PPFIA4: variants seen among roughly 807,000 people sequenced by gnomAD.
PPFIA4 encodes the protein liprin-alpha-4.
Under a neutral mutation model 145.7 loss-of-function variants are expected in PPFIA4, and 98 were observed. That is an observed-to-expected ratio of 0.67 (90% CI 0.57 to 0.80). The LOEUF (loss-of-function observed/expected upper bound fraction) is 0.80. Ranked by LOEUF, PPFIA4 falls within the 30% of genes least tolerant of loss-of-function variation. The probability of loss-of-function intolerance (pLI) is 0.00; values close to 1 mark genes in which losing one functional copy is unlikely to be tolerated. For synonymous variants in PPFIA4, 628 were observed against 649.6 expected (o/e 0.97, Z 0.51); for missense variants, 1,457 against 1,632.7 (o/e 0.89, Z 1.85).
Position 203,075,429 on chromosome 1 carries a change from C to A in PPFIA4, c.3394-148C>A. 1 of 543,024 alleles carries A rather than the reference C, an allele frequency of 1.8e-6. No homozygotes were observed. Among genetic ancestry groups the A allele is most frequent in the Non-Finnish European group, 2.8e-6 (1 of 355,742 alleles). 33.6% of individuals were successfully genotyped at this position (543,024 alleles called of 1,614,324 possible). On this transcript the variant is annotated intron_variant, in intron 28 of 29. Coordinates refer to ENST00000295706, the MANE Select transcript of PPFIA4 (RefSeq NM_001304331.2). This position sits in a 1 kb window ranked among gnomAD's most constrained non-coding sequence, Gnocchi z 4.1. ...ACTGTACAGATGGAAAAACTCAAGG[C>A]TAGAAAGGGGAAGTGACCTCGCTCC...
chr1:203,069,230 C>A (rs901732659), intron 27 of PPFIA4, among the ~76,000 whole-genome samples: 1 of 152,196 alleles, frequency 6.6e-6, no homozygotes, highest in African/African-American at 2.4e-5. Flanking sequence ...TATCTAAATT[C>A]TCTTGAACCT....
chr1:203,058,408 G>T (rs1437827569), intron 19 of PPFIA4, among the ~76,000 whole-genome samples: 1 of 152,198 alleles, frequency 6.6e-6, no homozygotes, highest in Admixed American at 6.5e-5. Context: ...GTCCACAGGG[G>T]TGAGGGGAGT....
rs1450507320 is a variant in PPFIA4, at chr1:203,048,286, G to A, written c.1200G>A (p.Glu400=). 3.1e-6 allele frequency: 5 copies of A among 1,612,824 alleles called. No individual in the cohort carries two copies. The Admixed American group carries it at 8.3e-5, about 27-fold the overall frequency. Reference sequence around the variant, plus strand: ...TGCGGCAGCTGGAGGGACAGCTGGAGGAGAAGAACCAGGAGCTGGCACGGG... The same window carrying A: ...TGCGGCAGCTGGAGGGACAGCTGGAAGAGAAGAACCAGGAGCTGGCACGGG... ...EHLRQLEGQL[E]EKNQELARVR... Residue 400 remains glutamate, a synonymous_variant, in exon 10 of 30, where the codon GAG becomes GAA. Transcript: ENST00000295706. This position sits in a 1 kb window ranked among gnomAD's most constrained non-coding sequence, Gnocchi z 5.8.
chr1:203,044,536 G>C, intron 5 of PPFIA4, 83 bp downstream of exon 5: 1 of 1,458,888 alleles, frequency 6.9e-7, no homozygotes, highest in Non-Finnish European at 9.3e-7. Flanking sequence ...TTTCTTGTCA[G>C]ATTTCTCCCT....
chr1:203,045,988 G>C lies in PPFIA4; in HGVS notation c.1005+1G>C. On this transcript the variant is annotated splice_donor_variant, in intron 8 of 29. Coordinates refer to ENST00000295706, the MANE Select transcript of PPFIA4 (RefSeq NM_001304331.2). LOFTEE classifies it high-confidence loss of function. ...CAACAAGGAGTCCCTGCACCGCCAG[G>C]TACCTCCTCAGGGTGGGGTGGGGAT... is the stretch of plus-strand genomic sequence containing the variant. 1 of 1,612,548 alleles carries C rather than the reference G, an allele frequency of 6.2e-7. No individual in the cohort carries two copies. The highest frequency in any genetic ancestry group is 8.5e-7 in the Non-Finnish European group (1 of 1,179,796).
chr1:203,031,575 G>A (rs996716378), intron 1 of PPFIA4, among the ~76,000 whole-genome samples: 1 of 152,114 alleles, frequency 6.6e-6, no homozygotes, highest in South Asian at 2.1e-4. Context: ...TACACCTGGT[G>A]CCTATTAGCA....
At chr1:203,034,744 G>A in intron 1 of PPFIA4, 1 of 456,120 alleles carries the variant, frequency 2.2e-6, no homozygotes, top group South Asian at 1.5e-5. Flanking sequence ...GGAAGGCCGA[G>A]GGGAGCTGTC....
In PPFIA4 at chr1:203,060,710, T is replaced by C. The variant is rs1294213377; in HGVS notation, c.2785-260T>C. ...TTCCAGGATGGGCTTTCTGGGGTTTTATATGGTTGTCAGGTTGGGGGAAAC... is the reference window on the plus strand; with the variant it reads ...TTCCAGGATGGGCTTTCTGGGGTTTCATATGGTTGTCAGGTTGGGGGAAAC... On this transcript the variant is annotated intron_variant, in intron 22 of 29. Coordinates refer to ENST00000295706, the MANE Select transcript of PPFIA4 (RefSeq NM_001304331.2). This position sits in a 1 kb window ranked among gnomAD's most constrained non-coding sequence, Gnocchi z 4.8. Among the ~76,000 whole-genome samples, 1 of 152,182 alleles carries C rather than the reference T, an allele frequency of 6.6e-6. No individual in the cohort carries two copies. The highest frequency in any genetic ancestry group is 1.5e-5 in the Non-Finnish European group (1 of 68,028).
In PPFIA4 at chr1:203,076,837, A is replaced by T. The variant is rs879333368; in HGVS notation, c.*447A>T. On this transcript the variant is annotated 3_prime_UTR_variant, in exon 30 of 30. Coordinates refer to ENST00000295706, the MANE Select transcript of PPFIA4 (RefSeq NM_001304331.2). Reference sequence around the variant, plus strand: ...TGGGCTATTCAATCTTAGGGTGTCTATCCACGTCTGGCTGTGCCAAATGGT... The same window carrying T: ...TGGGCTATTCAATCTTAGGGTGTCTTTCCACGTCTGGCTGTGCCAAATGGT... The T allele has an allele frequency of 2.9e-5, 5 of 174,970 alleles. No homozygotes were observed. The highest frequency in any genetic ancestry group is 2.7e-3 in the Middle Eastern group (1 of 374). The allele number at this position is 174,970 out of a possible 1,614,324, so 10.8% of individuals were successfully genotyped here.
At chr1:203,042,802 C>T (rs1659795577) in intron 2 of PPFIA4, among the ~76,000 whole-genome samples, 1 of 152,086 alleles carries the variant, frequency 6.6e-6, no homozygotes, top group Admixed American at 6.5e-5. Flanking sequence ...CCACGTCTGA[C>T]TAATTTTTGT....
chr1:203,046,631 G>A (rs2102638460), intron 9 of PPFIA4: 1 of 366,406 alleles, frequency 2.7e-6, no homozygotes, highest in Non-Finnish European at 4.9e-6. Context: ...AGGAGAAGAA[G>A]CTATGTTGAT....
Position 203,048,651 on chromosome 1 carries a change from C to G in PPFIA4, c.1293C>G (p.Leu431=). ...TGTCGGACACAGTGGACCGGCTGCT[C>G]AGCGAGTCCAACGAGCGTCTGCAGC... ...KRLSDTVDRL[L]SESNERLQLH... Residue 431 remains leucine (L), a synonymous_variant, in exon 11 of 30, where the codon CTC becomes CTG. Coordinates refer to ENST00000295706, the MANE Select transcript of PPFIA4 (RefSeq NM_001304331.2). This position sits in a 1 kb window ranked among gnomAD's most constrained non-coding sequence, Gnocchi z 5.8. The G allele has an allele frequency of 6.2e-7, 1 of 1,606,732 alleles. No homozygotes were observed. Among genetic ancestry groups the G allele is most frequent in the Middle Eastern group, 1.7e-4 (1 of 6,038 alleles).
intron 1 of PPFIA4, among the ~76,000 whole-genome samples, chr1:203,032,261 C>T (rs1658892665): frequency 6.6e-6 from 1 of 152,088 alleles, no homozygotes; most frequent in Non-Finnish European, 1.5e-5. Context: ...TCTTCACCCT[C>T]CTTTTGGCCT....
At chr1:203,028,579 A>C (rs1658590005) in intron 1 of PPFIA4, among the ~76,000 whole-genome samples, 1 of 152,078 alleles carries the variant, frequency 6.6e-6, no homozygotes, top group African/African-American at 2.4e-5. Flanking sequence ...TTTAGGCCCT[A>C]CTGTGTTGGC....
At position 203,053,854 on chromosome 1, in the gene PPFIA4, G is replaced by T. The variant is rs569224275; in HGVS notation, c.1722G>T (p.Gly574=). 1.3e-6 allele frequency: 2 copies of T among 1,555,876 alleles called. No individual in the cohort carries two copies. The highest frequency in any genetic ancestry group is 1.9e-5 in the Admixed American group (1 of 51,558). The change falls in exon 15 of 30, where the codon GGG becomes GGT. Residue 574 remains glycine (G), a synonymous_variant. Transcript: ENST00000295706. ...EISDVDEDEP[G]GLVGSADVVS... ...CCGACGTGGATGAGGATGAGCCAGG[G>T]GGTCTGGTGGGCTCTGCGGATGTTG...
intron 17 of PPFIA4, 72 bp from the exon 18 acceptor site, chr1:203,056,303 A>G (rs1660943046): frequency 2.8e-5 from 45 of 1,598,298 alleles, no homozygotes; most frequent in Non-Finnish European, 3.8e-5. Flanking sequence ...ATGCTCCGCC[A>G]CCTCTTCTGG....
intron 25 of PPFIA4, among the ~76,000 whole-genome samples, chr1:203,065,012 G>C (rs1410768613): frequency 6.6e-6 from 1 of 152,228 alleles, no homozygotes; most frequent in African/African-American, 2.4e-5. Flanking sequence ...GGTCTTCGAG[G>C]TTCTCTCAGG....
At chr1:203,032,041 CGTGTGTGTGT>C (rs66626205) in intron 1 of PPFIA4, among the ~76,000 whole-genome samples, 1 of 146,350 alleles carries the variant, frequency 6.8e-6, no homozygotes, top group Admixed American at 6.8e-5. Flanking sequence ...TCTGAGAGAA[CGTGTGTGTGT>C]GTGTGTGTGT....
At chr1:203,053,599 T>C (rs1660691107) in intron 14 of PPFIA4, 154 bp from the exon 15 acceptor site, 2 of 648,812 alleles carry the variant, frequency 3.1e-6, no homozygotes. Flanking sequence ...AATGCAGATG[T>C]TGAATCAGTA....
Sources: gnomAD v4.1 joint callset for allele counts (sites outside exome capture counted in the v4.1 genomes callset) on GRCh38, gnomAD v4.1.1 for gene constraint, Gnocchi (gnomAD v3.1) non-coding constraint, MANE v1.5 for transcripts, NCBI Gene and HGNC (gene_info 2026-07-23, HGNC 2026-07-21) for gene names.